CDH13: variants seen among roughly 807,000 people sequenced by gnomAD.
CDH13 encodes cadherin-13.
CDH13 carries 24 observed loss-of-function variants against 63.8 expected under a neutral mutation model. The observed-to-expected ratio is 0.38, with a 90% CI of 0.27 to 0.53. The LOEUF (loss-of-function observed/expected upper bound fraction) is 0.53, where lower values mean the gene tolerates loss of function less well. CDH13 is among the 20% of genes least tolerant of loss of function. CDH13 has a pLI of 0.85. For missense variants in CDH13, 1,049 were observed against 903.1 expected, an observed-to-expected ratio of 1.16 and a Z score of -2.07; for synonymous variants, 503 against 355.3, an observed-to-expected ratio of 1.42 and a Z score of -4.67.
intron 2 of CDH13, among the ~76,000 whole-genome samples, chr16:82,993,163 T>C (rs911916275): frequency 6.6e-6 from 1 of 152,224 alleles, no homozygotes; most frequent in African/African-American, 2.4e-5. Context: ...GCCCTCGATA[T>C]CTGTTTCCTT....
At chr16:83,315,878 G>A (rs1408513466) in intron 5 of CDH13, among the ~76,000 whole-genome samples, 3 of 152,106 alleles carry the variant, frequency 2.0e-5, no homozygotes, top group African/African-American at 7.2e-5. Context: ...AGTGTTATAG[G>A]GAGGTTAATA....
At chr16:83,379,130 C>T (rs1296347514) in intron 6 of CDH13, among the ~76,000 whole-genome samples, 2 of 152,076 alleles carry the variant, frequency 1.3e-5, no homozygotes, top group African/African-American at 4.8e-5. Context: ...TTGTCTTCAA[C>T]CTGGTTTGTT....
intron 5 of CDH13, among the ~76,000 whole-genome samples, chr16:83,245,366 T>C (rs1904887010): frequency 6.6e-6 from 1 of 152,228 alleles, no homozygotes; most frequent in Non-Finnish European, 1.5e-5. Context: ...AAGGACAGTT[T>C]AAAAATTTAT....
chr16:82,781,543 A>G (rs774474549), intron 1 of CDH13, among the ~76,000 whole-genome samples: 2 of 152,020 alleles, frequency 1.3e-5, no homozygotes, highest in Non-Finnish European at 2.9e-5. Context: ...CCATCCACCC[A>G]GCTATTTATC....
At position 83,800,437 on chromosome 16, in the gene CDH13, T is replaced by C. The variant is rs1040571116; in HGVS notation, c.*5407T>C. 6.6e-6 allele frequency: 1 copy of C among 152,202 alleles called. No homozygotes were observed. Among genetic ancestry groups the C allele is most frequent in the Non-Finnish European group, 1.5e-5 (1 of 68,030 alleles). 9.4% of individuals were successfully genotyped at this position (152,202 alleles called of 1,614,324 possible). A position where few individuals can be genotyped will look rare whatever the true frequency, so the allele number is the denominator to read the frequency against. On this transcript the variant is annotated 3_prime_UTR_variant, in exon 14 of 14. Coordinates refer to ENST00000567109, the MANE Select transcript of CDH13 (RefSeq NM_001257.5). ...ATTTTAAGAAATTTTAAATGCTTTTTATTCACACACACTTTTCAAAAGGGA... is the reference window on the plus strand; with the variant it reads ...ATTTTAAGAAATTTTAAATGCTTTTCATTCACACACACTTTTCAAAAGGGA...
chr16:82,770,209 G>A (rs920191160), intron 1 of CDH13, among the ~76,000 whole-genome samples: 1 of 152,206 alleles, frequency 6.6e-6, no homozygotes, highest in Non-Finnish European at 1.5e-5. Flanking sequence ...AATAGTGTTC[G>A]AATAGTAATG....
chr16:82,800,354 C>G (rs542790631), intron 1 of CDH13, among the ~76,000 whole-genome samples: 86 of 152,116 alleles, frequency 5.7e-4, no homozygotes, highest in South Asian at 2.1e-3. Context: ...CAGTCTGAGG[C>G]AAAAGCTGGC....
intron 5 of CDH13, among the ~76,000 whole-genome samples, chr16:83,224,508 A>G (rs1316949257): frequency 6.6e-6 from 1 of 152,224 alleles, no homozygotes; most frequent in African/African-American, 2.4e-5. Context: ...TGTCATCATT[A>G]GGGTCCTATC....
intron 5 of CDH13, among the ~76,000 whole-genome samples, chr16:83,248,484 G>T (rs1000808964): frequency 5.3e-5 from 8 of 152,100 alleles, no homozygotes; most frequent in Non-Finnish European, 7.3e-5. Flanking sequence ...ACTTCCCAGG[G>T]TTAGTAACTT....
intron 5 of CDH13, among the ~76,000 whole-genome samples, chr16:83,219,129 C>T (rs1410095677): frequency 6.6e-6 from 1 of 152,106 alleles, no homozygotes; most frequent in Non-Finnish European, 1.5e-5. Flanking sequence ...CTGCTGCGTA[C>T]TGAGCTGTGG....
chr16:83,338,184 T>TAAA lies in CDH13; in HGVS notation c.637-6661_637-6659dup, dbSNP rs5818440. Among the ~76,000 whole-genome samples the TAAA allele has an allele frequency of 4.2e-3, 573 of 135,042 alleles. 2 individuals carry two copies. Among genetic ancestry groups the TAAA allele is most frequent in the African/African-American group, 0.013 (458 of 36,138 alleles). 88.6% of individuals were successfully genotyped at this position (135,042 alleles called of 152,430 possible). A position where few individuals can be genotyped will look rare whatever the true frequency, so the allele number is the denominator to read the frequency against. ...AAATCAATGTTAGTCCTCTTCTTTT[T>TAAA]AAAAAAAAAAAAAAAAAAACAAGTA... On this transcript the variant is annotated intron_variant, in intron 5 of 13. Transcript: ENST00000567109.
chr16:83,083,299 A>T (rs955815295), intron 3 of CDH13, among the ~76,000 whole-genome samples: 1 of 152,176 alleles, frequency 6.6e-6, no homozygotes, highest in Non-Finnish European at 1.5e-5. Context: ...TCAGTAAAGC[A>T]TTAGGACAAT....
intron 5 of CDH13, among the ~76,000 whole-genome samples, chr16:83,263,809 C>T (rs1031898295): frequency 1.3e-5 from 2 of 152,164 alleles, no homozygotes; most frequent in Non-Finnish European, 2.9e-5. Context: ...TCACCATTTT[C>T]CTGCCCATGT....
intron 4 of CDH13, among the ~76,000 whole-genome samples, chr16:83,187,771 A>C (rs976918062): frequency 6.6e-6 from 1 of 152,128 alleles, no homozygotes; most frequent in Admixed American, 6.5e-5. Context: ...GAACCTGACA[A>C]ATCAAAAGTT....
At chr16:83,331,065 A>G (rs866237979) in intron 5 of CDH13, among the ~76,000 whole-genome samples, 3 of 152,288 alleles carry the variant, frequency 2.0e-5, no homozygotes, top group Middle Eastern at 3.4e-3. Flanking sequence ...CATCTCAAAG[A>G]TGAGGAAATT....
At chr16:83,556,518 G>T (rs1180664846) in intron 7 of CDH13, among the ~76,000 whole-genome samples, 1 of 152,176 alleles carries the variant, frequency 6.6e-6, no homozygotes. Context: ...GTTCAAAGAT[G>T]AGGAAATTGA....
At chr16:83,446,395 G>A (rs1420254403) in intron 6 of CDH13, among the ~76,000 whole-genome samples, 1 of 152,098 alleles carries the variant, frequency 6.6e-6, no homozygotes, top group Non-Finnish European at 1.5e-5. Context: ...ATGGTCAGCT[G>A]AGCCTTTTTA....
chr16:82,734,405 A>G (rs1055302987), intron 1 of CDH13, among the ~76,000 whole-genome samples: 3 of 152,124 alleles, frequency 2.0e-5, no homozygotes, highest in African/African-American at 7.2e-5. Flanking sequence ...GAGTCTCAGG[A>G]TGGGAATATG....
chr16:82,879,984 AT>A (rs1263668507), intron 2 of CDH13, among the ~76,000 whole-genome samples: 1 of 147,024 alleles, frequency 6.8e-6, no homozygotes, highest in Non-Finnish European at 1.5e-5. Context: ...ATCCATACAG[AT>A]TATATATTAA....
Sources: gnomAD v4.1 joint callset for allele counts (sites outside exome capture counted in the v4.1 genomes callset) on GRCh38, gnomAD v4.1.1 for gene constraint, MANE v1.5 for transcripts, NCBI Gene and HGNC (gene_info 2026-07-23, HGNC 2026-07-21) for gene names.